Variants in CHD7 observed in about 807,000 individuals in gnomAD.
The protein encoded by CHD7 is ATP-dependent chromatin remodeler CHD7.
A neutral mutation model predicts 307.3 loss-of-function variants in CHD7; 24 were observed. The observed-to-expected ratio is 0.08, with a 90% confidence interval of 0.06 to 0.11. CHD7 has a LOEUF of 0.11. CHD7 is among the 10% of genes least tolerant of loss of function. CHD7 has a pLI of 1.00. For synonymous variants in CHD7, 1,363 were observed against 1,349.9 expected (o/e 1.01, Z -0.21); for missense variants, 3,106 against 3,727.1 (o/e 0.83, Z 4.34).
At chr8:60,750,465 A>G (rs1313703205) in intron 2 of CHD7, among the ~76,000 whole-genome samples, 1 of 152,198 alleles carries the variant, frequency 6.6e-6, no homozygotes, top group Non-Finnish European at 1.5e-5. Context: ...TGTACTTACT[A>G]TGTTCTAGAC....
rs758108571 is a variant in CHD7 at position 60,838,239 on chromosome 8, G to A, written c.4517G>A (p.Gly1506Asp). ...ATTACCATTGAGTCAGAAGGGAAAG[G>A]TTCCACATTTGCTAAGGTGTGAATC... ...HTITIESEGK[G>D]STFAKASFVA... Residue 1506 changes from glycine to aspartate, a missense_variant, in exon 19 of 38, where the codon GGT (glycine) becomes GAT (aspartate). Physicochemically the swap from Gly to Asp is moderately conservative, Grantham distance 94 (BLOSUM62 -1). Around this residue, in one of 10 missense-constraint regions of CHD7, gnomAD observed 93 missense variants for 176.4 expected, o/e 0.53. Transcript: ENST00000423902. 1 of 1,603,638 alleles carries A rather than the reference G, an allele frequency of 6.2e-7. No individual in the cohort carries two copies. The highest frequency in any genetic ancestry group is 2.2e-5 in the East Asian group (1 of 44,634).
At chr8:60,717,285 A>G (rs373830587) in intron 1 of CHD7, among the ~76,000 whole-genome samples, 1 of 152,206 alleles carries the variant, frequency 6.6e-6, no homozygotes, top group African/African-American at 2.4e-5. Flanking sequence ...TTTTCCATTT[A>G]GTTATACTTG....
At position 60,710,076 on chromosome 8, in the gene CHD7, CT is replaced by C. The variant is rs1210056051; in HGVS notation, c.-175+31006del. Among the ~76,000 whole-genome samples the C allele has an allele frequency of 3.2e-3, 460 of 143,508 alleles. 5 individuals carry two copies. The highest frequency in any genetic ancestry group is 8.8e-3 in the African/African-American group (348 of 39,526). The allele number at this position is 143,508 out of a possible 152,430, so 94.1% of individuals were successfully genotyped here. A position where few individuals can be genotyped will look rare whatever the true frequency, so the allele number is the denominator to read the frequency against. ...GGGGGAGAGAATTCTCCCAATGTCA[CT>C]TTTTTTTTTTTACACCTTGTTTAGA... On this transcript the variant is annotated intron_variant, in intron 1 of 37. Coordinates refer to ENST00000423902, the MANE Select transcript of CHD7 (RefSeq NM_017780.4).
intron 1 of CHD7, among the ~76,000 whole-genome samples, chr8:60,703,808 G>A (rs185195155): frequency 6.6e-6 from 1 of 152,294 alleles, no homozygotes; most frequent in Admixed American, 6.5e-5. Context: ...CTGCATCTCT[G>A]AAACAGCTCA....
chr8:60,825,801 A>G (rs1488235790), intron 13 of CHD7, among the ~76,000 whole-genome samples: 4 of 152,024 alleles, frequency 2.6e-5, no homozygotes, highest in African/African-American at 9.7e-5. Flanking sequence ...AGTACACATT[A>G]ATTTAACTCC....
In CHD7 at chr8:60,742,086, G is replaced by A; in HGVS notation, c.654G>A (p.Glu218=). The A allele has an allele frequency of 6.2e-7, 1 of 1,613,968 alleles. No homozygotes were observed. Among genetic ancestry groups the A allele is most frequent in the Non-Finnish European group, 8.5e-7 (1 of 1,179,892 alleles). ...TGAGCCAGTTTTCCCAAGGCCAAGA[G>A]GGCCTCAATCAGGGAAATCCTTTTA... ...QRMSQFSQGQ[E]GLNQGNPFIA... is the part of the protein sequence containing the mutation. Residue 218 remains glutamate (E), a synonymous_variant, in exon 2 of 38, where the codon GAG becomes GAA. Transcript: ENST00000423902.
At chr8:60,845,911 T>A (rs1805192047) in intron 23 of CHD7, among the ~76,000 whole-genome samples, 1 of 152,196 alleles carries the variant, frequency 6.6e-6, no homozygotes, top group Non-Finnish European at 1.5e-5. Flanking sequence ...ACCATTCTAC[T>A]TTCTGTTTCT....
rs1202955569 is a variant in CHD7 at position 60,865,046 on chromosome 8, C to T, written c.8107C>T (p.Leu2703Phe). The T allele has an allele frequency of 1.2e-6, 2 of 1,606,474 alleles. No homozygotes were observed. The highest frequency in any genetic ancestry group is 1.7e-5 in the Admixed American group (1 of 59,016). The change falls in exon 38 of 38, where the codon CTT (leucine) becomes TTT (phenylalanine). Residue 2703 changes from leucine to phenylalanine, a missense_variant. Physicochemically the swap from Leu to Phe is conservative, Grantham distance 22 (BLOSUM62 0). Around this residue, in one of 10 missense-constraint regions of CHD7, gnomAD observed 59 missense variants for 106.2 expected, o/e 0.56. Transcript: ENST00000423902. This position sits in a 1 kb window ranked among gnomAD's most constrained non-coding sequence, Gnocchi z 4.3. ...TGTTCCTGAGTCGATGTTTGACCGC[C>T]TTCTCACTGGGCCTGTAGTGCGGGG... ...GFVPESMFDRLLTGPVVRGEG... is the reference protein window; with the variant it reads ...GFVPESMFDRFLTGPVVRGEG...
At chr8:60,733,529 C>T (rs1411761885) in intron 1 of CHD7, among the ~76,000 whole-genome samples, 2 of 152,094 alleles carry the variant, frequency 1.3e-5, no homozygotes, top group East Asian at 3.9e-4. Context: ...GTGGGCTTAG[C>T]CTTTAGGAGT....
At position 60,742,830 on chromosome 8, in the gene CHD7, G is replaced by A. The variant is rs1382760200; in HGVS notation, c.1398G>A (p.Ser466=). The A allele has an allele frequency of 3.1e-6, 5 of 1,613,432 alleles. No individual in the cohort carries two copies. The highest frequency in any genetic ancestry group is 1.3e-5 in the African/African-American group (1 of 75,006). The change falls in exon 2 of 38, where the codon TCG becomes TCA. Residue 466 remains serine (S), a synonymous_variant. Coordinates refer to ENST00000423902, the MANE Select transcript of CHD7 (RefSeq NM_017780.4). ...CTCGTCCATTTATAGGCATGTCCTC[G>A]GCACCAAGGGAATTGACTGGGCACA... The part of the protein sequence containing the change: ...QQSRPFIGMS[S]APRELTGHMR...
At chr8:60,740,878 T>C (rs2150576379) in intron 1 of CHD7, among the ~76,000 whole-genome samples, 1 of 152,360 alleles carries the variant, frequency 6.6e-6, no homozygotes, top group East Asian at 1.9e-4. Flanking sequence ...TCCAGGGCTT[T>C]AGTTCAGCAG....
Position 60,865,794 on chromosome 8 carries a change from C to G in CHD7, c.8855C>G (p.Thr2952Ser), listed in dbSNP as rs748655442. ...AEGGPFKDGE[T>S]LEGSDAEESL... ...GGAGGACCCTTTAAAGATGGAGAGA[C>G]CCTTGAAGGCAGCGATGCCGAGGAG... The change falls in exon 38 of 38, where the codon ACC becomes AGC. Residue 2952 changes from threonine (T) to serine (S), a missense_variant. Physicochemically the swap from Thr to Ser is moderately conservative, Grantham distance 58. Around this residue, in one of 10 missense-constraint regions of CHD7, gnomAD observed 351 missense variants for 366.2 expected, o/e 0.96. Transcript: ENST00000423902. The surrounding 1 kb of genome is among the most constrained non-coding windows in gnomAD (Gnocchi z 4.3). 9.3e-6 allele frequency: 15 copies of G among 1,614,000 alleles called. No individual in the cohort carries two copies. The highest frequency in any genetic ancestry group is 1.1e-5 in the Non-Finnish European group (13 of 1,179,894).
intron 2 of CHD7, among the ~76,000 whole-genome samples, chr8:60,758,676 C>A (rs1433887207): frequency 6.6e-6 from 1 of 152,132 alleles, no homozygotes; most frequent in African/African-American, 2.4e-5. Context: ...GTTGGACTTT[C>A]AAGTAAAAAC....
rs1271791831 is a variant in CHD7 at position 60,734,726 on chromosome 8, A to G, written c.-174-6533A>G. On this transcript the variant is annotated intron_variant, in intron 1 of 37. Transcript: ENST00000423902. ...GGGGTGTTTGTGAGTGCTTCAGGGG[A>G]TAGAGGGAAGGGAGTTAAGGGAGTT... 2.6e-5 allele frequency among the ~76,000 whole-genome samples: 4 copies of G among 152,010 alleles called. No homozygotes were observed. The East Asian group carries it at 5.8e-4, about 22-fold the overall frequency.
chr8:60,731,463 G>A (rs2150562253), intron 1 of CHD7, among the ~76,000 whole-genome samples: 1 of 152,290 alleles, frequency 6.6e-6, no homozygotes, highest in Middle Eastern at 3.4e-3. Flanking sequence ...CCAACTGACG[G>A]CAATGGGGTT....
At chr8:60,814,314 A>G (rs755366270) in intron 7 of CHD7, among the ~76,000 whole-genome samples, 3 of 152,262 alleles carry the variant, frequency 2.0e-5, no homozygotes, top group African/African-American at 4.8e-5. Flanking sequence ...TCAAGGCTAC[A>G]CAGGTGGTGC....
chr8:60,720,600 C>T lies in CHD7; in HGVS notation c.-174-20659C>T, dbSNP rs547418485. Among the ~76,000 whole-genome samples, 4 of 152,354 alleles carry T rather than the reference C, an allele frequency of 2.6e-5. No individual in the cohort carries two copies. The South Asian group carries it at 8.3e-4, about 32-fold the overall frequency. ...AGCCTCCAGCTTCTGTGATCGCCTT[C>T]TGTGACTGAATATCATCTCCGTGAG... On this transcript the variant is annotated intron_variant, in intron 1 of 37. Coordinates refer to ENST00000423902, the MANE Select transcript of CHD7 (RefSeq NM_017780.4).
In CHD7 at chr8:60,852,210, G is replaced by A. The variant is rs781540403; in HGVS notation, c.5857G>A (p.Ala1953Thr). ...RPREEVRALE[A>T]EREAIISEKR... ...TCGAGAGGAAGTGAGAGCTCTGGAA[G>A]CGGAAAGGGAAGCTATTATATCTGA... Residue 1953 changes from alanine to threonine, a missense_variant, in exon 29 of 38, where the codon GCG becomes ACG. Ala to Thr is a moderately conservative substitution (Grantham distance 58). Around this residue, in one of 10 missense-constraint regions of CHD7, gnomAD observed 1,030 missense variants for 1,165.4 expected, o/e 0.88. Transcript: ENST00000423902. 4 of 1,613,724 alleles carry A rather than the reference G, an allele frequency of 2.5e-6. No individual in the cohort carries two copies. Among genetic ancestry groups the A allele is most frequent in the Non-Finnish European group, 3.4e-6 (4 of 1,179,856 alleles).
chr8:60,862,092 C>T, intron 35 of CHD7, 104 bp from the exon 36 acceptor site: 2 of 886,314 alleles, frequency 2.3e-6, no homozygotes, highest in Non-Finnish European at 3.3e-6. Flanking sequence ...ATTCTTGAAA[C>T]TTCCATAATA....
Sources: allele counts gnomAD v4.1 joint callset (sites outside exome capture counted in the v4.1 genomes callset), GRCh38; gene constraint gnomAD v4.1.1; regional missense constraint gnomAD v4.1.1; non-coding constraint Gnocchi (gnomAD v3.1); transcripts MANE v1.5; gene names NCBI Gene and HGNC (gene_info 2026-07-23, HGNC 2026-07-21).